Variants in SPRY3 observed in about 807,000 individuals in gnomAD.
SPRY3 encodes protein sprouty homolog 3.
Under a neutral mutation model 20.2 loss-of-function variants are expected in SPRY3, and 15 were observed. The observed-to-expected ratio is 0.74, with a 90% CI of 0.50 to 1.14. The LOEUF (loss-of-function observed/expected upper bound fraction) is 1.14. Among genes scored for constraint, SPRY3 ranks in the 50% most tolerant of loss-of-function variants. The pLI is 0.00. For missense variants in SPRY3, 364 were observed against 363.9 expected, an observed-to-expected ratio of 1.00 and a Z score of 0.00; for synonymous variants, 143 against 136.5, an observed-to-expected ratio of 1.05 and a Z score of -0.33.
intron 2 of SPRY3, among the ~76,000 whole-genome samples, chrX:155,684,724 C>A (rs1037240322): frequency 1.3e-4 from 14 of 111,811 alleles, no homozygotes; most frequent in Non-Finnish European, 2.3e-4. Flanking sequence ...TTCCTTCATT[C>A]TTGATGATCC....
chrX:155,622,664 T>A (rs1263247057), intron 1 of SPRY3, among the ~76,000 whole-genome samples: 1 of 112,287 alleles, frequency 8.9e-6, no homozygotes, highest in Non-Finnish European at 1.9e-5. Context: ...ATGTGGATCA[T>A]CACAGTGTCC....
intron 1 of SPRY3, among the ~76,000 whole-genome samples, chrX:155,628,198 G>C (rs1381729621): frequency 1.8e-5 from 2 of 111,992 alleles, no homozygotes; most frequent in Non-Finnish European, 3.8e-5. Context: ...GGGTCAAATG[G>C]TATTTCTGGT....
intron 2 of SPRY3, among the ~76,000 whole-genome samples, chrX:155,753,615 T>A (rs1452073462): frequency 6.6e-6 from 1 of 151,998 alleles, no homozygotes; most frequent in Non-Finnish European, 1.5e-5. Context: ...CTAGATCATA[T>A]GATAACTTCA....
intron 2 of SPRY3, among the ~76,000 whole-genome samples, chrX:155,710,345 G>C (rs1602954397): frequency 2.0e-5 from 3 of 151,594 alleles, no homozygotes; most frequent in Middle Eastern, 6.8e-3. Context: ...TCTTTCATCA[G>C]TGTTTTACAA....
intron 2 of SPRY3, among the ~76,000 whole-genome samples, chrX:155,766,168 C>G (rs2091327572): frequency 6.6e-6 from 1 of 152,160 alleles, no homozygotes; most frequent in South Asian, 2.1e-4. Flanking sequence ...CACACATATA[C>G]CTACATACAT....
At chrX:155,763,613 A>G (rs1203105922) in intron 2 of SPRY3, among the ~76,000 whole-genome samples, 2 of 152,092 alleles carry the variant, frequency 1.3e-5, no homozygotes, top group Non-Finnish European at 2.9e-5. Flanking sequence ...TCCTCTCTTC[A>G]ATATACCTCT....
At chrX:155,774,584 A>G in exon 4 of SPRY3, 1 of 1,613,948 alleles carries the variant, frequency 6.2e-7, no homozygotes, top group Non-Finnish European at 8.5e-7. Context: ...CTGTGCTGCT[A>G]CCTGCCTACC....
chrX:155,719,497 G>C (rs1265123965), intron 2 of SPRY3, among the ~76,000 whole-genome samples: 1 of 152,100 alleles, frequency 6.6e-6, no homozygotes. Context: ...AGCTAAGGGA[G>C]TGCTGGTATC....
chrX:155,699,753 G>A (rs2068130065), intron 2 of SPRY3, among the ~76,000 whole-genome samples: 1 of 110,532 alleles, frequency 9.0e-6, no homozygotes, highest in Non-Finnish European at 1.9e-5. Context: ...AACTACAGCT[G>A]GGGAGAGTCA....
At chrX:155,618,394 T>C (rs1266853953) in intron 1 of SPRY3, among the ~76,000 whole-genome samples, 3 of 111,728 alleles carry the variant, frequency 2.7e-5, no homozygotes, top group African/African-American at 9.7e-5. Context: ...TCATGGTATG[T>C]ATGTATCAGA....
In SPRY3 at chrX:155,705,564, T is replaced by C. The variant is rs140752419; in HGVS notation, c.-282+48539T>C. ...TCTGAAGACACCAATTTAAAGGCAG[T>C]ATCAGATTGGATTTAAAAATAATCA... On this transcript the variant is annotated intron_variant, in intron 2 of 3. Transcript: ENST00000675360. 5.4e-3 allele frequency among the ~76,000 whole-genome samples: 819 copies of C among 151,452 alleles called. 6 individuals carry two copies. The highest frequency in any genetic ancestry group is 0.019 in the African/African-American group (778 of 41,490).
At chrX:155,724,477 G>T (rs2091084198) in intron 2 of SPRY3, among the ~76,000 whole-genome samples, 1 of 152,062 alleles carries the variant, frequency 6.6e-6, no homozygotes, top group South Asian at 2.1e-4. Context: ...GTGGTTTGTA[G>T]TTCTCCTTGA....
chrX:155,711,014 A>G (rs931058033), intron 2 of SPRY3, among the ~76,000 whole-genome samples: 13 of 151,972 alleles, frequency 8.6e-5, no homozygotes, highest in Non-Finnish European at 1.2e-4. Context: ...GATAAATCCC[A>G]CTTGGTCATG....
chrX:155,755,938 C>A (rs1008792058), intron 2 of SPRY3, among the ~76,000 whole-genome samples: 1 of 151,892 alleles, frequency 6.6e-6, no homozygotes, highest in African/African-American at 2.4e-5. Flanking sequence ...AAGTAGGTGG[C>A]TGGGGAGAGA....
At chrX:155,713,003 T>A (rs1169056919) in intron 2 of SPRY3, among the ~76,000 whole-genome samples, 1 of 152,022 alleles carries the variant, frequency 6.6e-6, no homozygotes, top group Non-Finnish European at 1.5e-5. Context: ...TGCTTTTTAA[T>A]TTTTTGTTGT....
intron 2 of SPRY3, among the ~76,000 whole-genome samples, chrX:155,672,511 T>C (rs1326600412): frequency 1.8e-5 from 2 of 111,443 alleles, no homozygotes; most frequent in Admixed American, 9.5e-5. Context: ...AAAACCACAA[T>C]GAGATACCAT....
chrX:155,771,013 A>G (rs760544258), intron 3 of SPRY3, among the ~76,000 whole-genome samples: 1 of 152,278 alleles, frequency 6.6e-6, no homozygotes, highest in Non-Finnish European at 1.5e-5. Context: ...CCCAGAGTCC[A>G]TTTGAATAAA....
At chrX:155,615,562 T>C (rs1357465491) in intron 1 of SPRY3, among the ~76,000 whole-genome samples, 3 of 112,219 alleles carry the variant, frequency 2.7e-5, no homozygotes, top group Non-Finnish European at 3.8e-5. Flanking sequence ...AGAAAATAAA[T>C]ATTCTGGACA....
chrX:155,743,495 A>G (rs1195679380), intron 2 of SPRY3, among the ~76,000 whole-genome samples: 7 of 152,180 alleles, frequency 4.6e-5, no homozygotes, highest in African/African-American at 1.7e-4. Context: ...TTCCTGGGCC[A>G]CAGTTTCTTT....
Sources: gnomAD v4.1 joint callset for allele counts (sites outside exome capture counted in the v4.1 genomes callset) on GRCh38, gnomAD v4.1.1 for gene constraint, MANE v1.5 for transcripts, NCBI Gene and HGNC (gene_info 2026-07-23, HGNC 2026-07-21) for gene names.